The following WDR27 variants were observed in gnomAD, a reference collection of about 807,000 sequenced individuals.
WDR27 encodes WD repeat-containing protein 27.
WDR27 carries 100 observed loss-of-function variants against 114.4 expected under a neutral mutation model. The observed-to-expected ratio is 0.87, with a 90% CI of 0.74 to 1.03. WDR27 has a LOEUF of 1.03. Among genes scored for constraint, WDR27 ranks in the 50% least tolerant of loss-of-function variants. The pLI, the probability that WDR27 is intolerant of heterozygous loss-of-function variation, is 0.00. For missense variants in WDR27, 1,129 were observed against 1,092.9 expected, an observed-to-expected ratio of 1.03 and a Z score of -0.47; for synonymous variants, 449 against 423.1, an observed-to-expected ratio of 1.06 and a Z score of -0.75.
At chr6:169,624,832 T>C (rs1360974432) in intron 21 of WDR27, among the ~76,000 whole-genome samples, 1 of 152,106 alleles carries the variant, frequency 6.6e-6, no homozygotes, top group Non-Finnish European at 1.5e-5. Flanking sequence ...AAATTCGAGA[T>C]GTGTGTTCAC....
chr6:169,537,493 C>T (rs1796319206), intron 25 of WDR27, among the ~76,000 whole-genome samples: 1 of 152,122 alleles, frequency 6.6e-6, no homozygotes, highest in East Asian at 1.9e-4. Context: ...ATGCCAAACT[C>T]CCAAAGTGGA....
intron 13 of WDR27, among the ~76,000 whole-genome samples, chr6:169,657,538 G>A (rs77392231): frequency 0.079 from 12,026 of 152,236 alleles, 576 homozygotes; most frequent in East Asian, 0.1. Context: ...AGGCGGCTGC[G>A]GAAATGCCTC....
chr6:169,473,789 T>C (rs764390570), intron 25 of WDR27, among the ~76,000 whole-genome samples: 2 of 152,246 alleles, frequency 1.3e-5, no homozygotes, highest in Non-Finnish European at 2.9e-5. Context: ...CACTTCTTTC[T>C]CTTTGGAAAC....
intron 21 of WDR27, among the ~76,000 whole-genome samples, chr6:169,624,492 G>T (rs576027292): frequency 6.6e-6 from 1 of 152,152 alleles, no homozygotes; most frequent in Non-Finnish European, 1.5e-5. Flanking sequence ...TTAGGGAGCC[G>T]GAGGGAGGCT....
intron 23 of WDR27, among the ~76,000 whole-genome samples, chr6:169,590,791 G>C (rs1805590889): frequency 6.6e-6 from 1 of 152,358 alleles, no homozygotes; most frequent in Non-Finnish European, 1.5e-5. Flanking sequence ...CTAACCAGTG[G>C]ACAGTGGTAA....
intron 25 of WDR27, among the ~76,000 whole-genome samples, chr6:169,507,646 G>T (rs1331351404): frequency 6.6e-6 from 1 of 152,168 alleles, no homozygotes; most frequent in Non-Finnish European, 1.5e-5. Context: ...GCAAACTATG[G>T]CTCATGAAAC....
At chr6:169,576,299 A>G (rs1375004969) in intron 24 of WDR27, among the ~76,000 whole-genome samples, 1 of 152,228 alleles carries the variant, frequency 6.6e-6, no homozygotes, top group Non-Finnish European at 1.5e-5. Context: ...ACCTTGCCCC[A>G]TGGCAGCCAG....
At chr6:169,677,430 G>A (rs1780350107) in intron 2 of WDR27, among the ~76,000 whole-genome samples, 1 of 152,206 alleles carries the variant, frequency 6.6e-6, no homozygotes, top group African/African-American at 2.4e-5. Context: ...ATGTCTCCTG[G>A]ATGCTTCTAA....
rs139647488 is a variant in WDR27 at position 169,682,147 on chromosome 6, T to C, written c.189+6670A>G. 3.1e-3 allele frequency among the ~76,000 whole-genome samples: 467 copies of C among 152,144 alleles called. 2 individuals carry two copies. The highest frequency in any genetic ancestry group is 4.5e-3 in the Non-Finnish European group (309 of 67,996). On this transcript the variant is annotated intron_variant, in intron 2 of 25. Transcript: ENST00000448612. The stretch of plus-strand genomic sequence containing the variant: ...ATCCTGCTGCAGTTGGGAAACTATC[T>C]TATTGGCGCAGGGTCTCCCTGGGAG...
intron 2 of WDR27, among the ~76,000 whole-genome samples, chr6:169,682,098 C>T (rs1256186996): frequency 1.3e-5 from 2 of 152,016 alleles, no homozygotes; most frequent in African/African-American, 2.4e-5. Context: ...AGATCCCAGA[C>T]GGGCCCAATC....
chr6:169,596,055 A>C (rs1273892809), intron 23 of WDR27, among the ~76,000 whole-genome samples: 1 of 152,096 alleles, frequency 6.6e-6, no homozygotes, highest in African/African-American at 2.4e-5. Context: ...TTTTTTGTTA[A>C]TGTTTATAGT....
At chr6:169,537,138 T>A (rs1245494941) in intron 25 of WDR27, among the ~76,000 whole-genome samples, 1 of 152,204 alleles carries the variant, frequency 6.6e-6, no homozygotes, top group East Asian at 1.9e-4. Context: ...TTTCTTCAAG[T>A]GCCCCTTGGT....
chr6:169,459,301 T>C (rs967900299), intron 25 of WDR27, among the ~76,000 whole-genome samples: 1 of 151,786 alleles, frequency 6.6e-6, no homozygotes, highest in Non-Finnish European at 1.5e-5. Context: ...GCTAAAAATA[T>C]AAAATAATTG....
At chr6:169,589,939 A>G (rs1186418319) in intron 23 of WDR27, among the ~76,000 whole-genome samples, 1 of 10,820 alleles carries the variant, frequency 9.2e-5, no homozygotes, top group African/African-American at 2.4e-4. Context: ...TATGCGGGTA[A>G]ATCTTATGCC....
At chr6:169,579,555 T>A (rs1215391658) in intron 24 of WDR27, among the ~76,000 whole-genome samples, 1 of 152,122 alleles carries the variant, frequency 6.6e-6, no homozygotes, top group Non-Finnish European at 1.5e-5. Flanking sequence ...CCATCTCTGG[T>A]TGCCCTCATT....
At chr6:169,559,207 T>C (rs941886476) in intron 25 of WDR27, 13 of 152,204 alleles carry the variant, frequency 8.5e-5, no homozygotes, top group African/African-American at 3.1e-4. Flanking sequence ...GCACATTTTT[T>C]TGGCTCTTAT....
chr6:169,495,523 TAAA>T (rs34665432), intron 25 of WDR27, among the ~76,000 whole-genome samples: 2 of 150,020 alleles, frequency 1.3e-5, no homozygotes, highest in East Asian at 3.9e-4. Flanking sequence ...TTTGAAAAGA[TAAA>T]AAAAAACCTG....
intron 22 of WDR27, among the ~76,000 whole-genome samples, chr6:169,612,196 C>T (rs1342487615): frequency 6.6e-6 from 1 of 151,258 alleles, no homozygotes; most frequent in African/African-American, 2.4e-5. Context: ...CTTTGGGAGG[C>T]CAAGGCGGGC....
chr6:169,688,878 C>A lies in WDR27; in HGVS notation c.128G>T (p.Cys43Phe), dbSNP rs370383246. Residue 43 changes from cysteine to phenylalanine, a missense_variant, in exon 2 of 26, where the codon TGT (cysteine) becomes TTT (phenylalanine). Coordinates refer to ENST00000448612, the MANE Select transcript of WDR27 (RefSeq NM_182552.5). ...TTCAGTTCCATCCAAAGGGAAAGCA[C>A]AGTCCTGCATGCTGCAAGCAAGCTG... ...HVQLACSMQD[C>F]AFPLDGTELC... 7 of 1,613,566 alleles carry A rather than the reference C, an allele frequency of 4.3e-6. No homozygotes were observed. In the South Asian group the frequency reaches 6.6e-5, roughly 15 times the overall value.
Sources: gnomAD v4.1 joint callset for allele counts (sites outside exome capture counted in the v4.1 genomes callset) on GRCh38, gnomAD v4.1.1 for gene constraint, MANE v1.5 for transcripts, NCBI Gene and HGNC (gene_info 2026-07-23, HGNC 2026-07-21) for gene names.